MAST2: variants seen among roughly 807,000 people sequenced by gnomAD.
The protein encoded by MAST2 is microtubule-associated serine/threonine-protein kinase 2.
A neutral mutation model predicts 147.4 loss-of-function variants in MAST2; 70 were observed. The ratio of observed to expected loss-of-function variants is 0.47; its 90% CI spans 0.39 to 0.58. The LOEUF (loss-of-function observed/expected upper bound fraction) is 0.58. Among genes scored for constraint, MAST2 ranks in the 20% least tolerant of loss-of-function variants. The pLI is 0.00. For missense variants in MAST2, 2,080 were observed against 2,302.3 expected, an observed-to-expected ratio of 0.90 and a Z score of 1.98; for synonymous variants, 869 against 896.8, an observed-to-expected ratio of 0.97 and a Z score of 0.55.
chr1:45,911,647 A>G (rs985411679), intron 4 of MAST2, among the ~76,000 whole-genome samples: 5 of 152,080 alleles, frequency 3.3e-5, no homozygotes, highest in Admixed American at 6.6e-5. Context: ...CTACTTTTCT[A>G]CTTACCATTG....
chr1:45,868,594 T>C (rs1380093917), intron 3 of MAST2, among the ~76,000 whole-genome samples: 2 of 152,154 alleles, frequency 1.3e-5, no homozygotes, highest in Non-Finnish European at 2.9e-5. Context: ...AGTGTCATTG[T>C]TTACGGGTAC....
At chr1:46,017,378 G>A (rs1254760195) in intron 10 of MAST2, among the ~76,000 whole-genome samples, 1 of 152,144 alleles carries the variant, frequency 6.6e-6, no homozygotes, top group East Asian at 1.9e-4. Context: ...TACCATCAGA[G>A]GGAACAGGCA....
chr1:45,931,531 C>G (rs1655306483), intron 4 of MAST2, among the ~76,000 whole-genome samples: 1 of 151,226 alleles, frequency 6.6e-6, no homozygotes, highest in African/African-American at 2.4e-5. Context: ...GCTCTGTCAC[C>G]CAGGCTGGAG....
chr1:45,994,199 T>C (rs1256824059), intron 5 of MAST2, among the ~76,000 whole-genome samples: 2 of 149,334 alleles, frequency 1.3e-5, no homozygotes, highest in African/African-American at 4.9e-5. Context: ...CTGAACTTAA[T>C]CTCTAGCCCC....
In MAST2 at chr1:46,035,355, A is replaced by G; in HGVS notation, c.4686A>G (p.Leu1562=). Residue 1562 remains leucine (L), a synonymous_variant, in exon 29 of 29, where the codon CTA becomes CTG. Coordinates refer to ENST00000361297, the MANE Select transcript of MAST2 (RefSeq NM_015112.3). This position sits in a 1 kb window ranked among gnomAD's most constrained non-coding sequence, Gnocchi z 5.5. ...PRSLGPMVPS[L]LTGITLGPPR... Reference sequence around the variant, plus strand: ...GCCTGGGCCCAATGGTCCCAAGCCTATTGACAGGGATCACACTGGGGCCTC... The same window carrying G: ...GCCTGGGCCCAATGGTCCCAAGCCTGTTGACAGGGATCACACTGGGGCCTC... 4.3e-6 allele frequency: 7 copies of G among 1,613,542 alleles called. No individual in the cohort carries two copies. Among genetic ancestry groups the G allele is most frequent in the Non-Finnish European group, 5.1e-6 (6 of 1,179,804 alleles).
intron 6 of MAST2, among the ~76,000 whole-genome samples, chr1:45,999,285 A>T (rs1009742380): frequency 6.6e-6 from 1 of 152,158 alleles, no homozygotes; most frequent in African/African-American, 2.4e-5. Flanking sequence ...TACCCTATGG[A>T]ACTTCCAATT....
At chr1:45,806,463 C>T (rs945304907) in intron 1 of MAST2, among the ~76,000 whole-genome samples, 4 of 152,132 alleles carry the variant, frequency 2.6e-5, no homozygotes, top group Non-Finnish European at 5.9e-5. Context: ...GTAGTGGTGC[C>T]GTCATAGCTC....
chr1:45,895,056 G>T (rs778300205), intron 4 of MAST2, among the ~76,000 whole-genome samples: 29 of 152,096 alleles, frequency 1.9e-4, no homozygotes, highest in Admixed American at 2.6e-4. Context: ...CTGTAGTTTT[G>T]CAGTCAATCC....
At chr1:46,010,982 G>A in intron 10 of MAST2, 43 bp downstream of exon 10, 1 of 1,533,930 alleles carries the variant, frequency 6.5e-7, no homozygotes, top group Non-Finnish European at 9.0e-7. Context: ...CCTCCACCTG[G>A]TATTGGATTT....
At chr1:45,979,245 G>A (rs1162774676) in intron 5 of MAST2, among the ~76,000 whole-genome samples, 1 of 152,122 alleles carries the variant, frequency 6.6e-6, no homozygotes, top group Admixed American at 6.6e-5. Context: ...TTTATAACTA[G>A]TTAAACTGTA....
chr1:46,026,831 C>T (rs1366135014), intron 16 of MAST2, among the ~76,000 whole-genome samples: 1 of 152,140 alleles, frequency 6.6e-6, no homozygotes, highest in Non-Finnish European at 1.5e-5. Flanking sequence ...GACCTGAATT[C>T]AAATGGCCAC....
chr1:45,905,358 T>C, intron 4 of MAST2, among the ~76,000 whole-genome samples: 1 of 152,156 alleles, frequency 6.6e-6, no homozygotes, highest in East Asian at 1.9e-4. Context: ...CTAATTTTTT[T>C]GTATTTTTAG....
At chr1:45,921,279 C>T (rs1653429651) in intron 4 of MAST2, among the ~76,000 whole-genome samples, 1 of 152,194 alleles carries the variant, frequency 6.6e-6, no homozygotes, top group African/African-American at 2.4e-5. Context: ...CAGGTGTGAG[C>T]CACCGTGCCC....
At chr1:45,983,960 A>G (rs1210548228) in intron 5 of MAST2, among the ~76,000 whole-genome samples, 1 of 152,240 alleles carries the variant, frequency 6.6e-6, no homozygotes, top group Admixed American at 6.5e-5. Context: ...CAATTTGAAG[A>G]TGGACGTTTA....
chr1:45,882,504 T>C (rs1646896125), intron 4 of MAST2, 109 bp downstream of exon 4: 1 of 826,608 alleles, frequency 1.2e-6, no homozygotes, highest in Non-Finnish European at 2.0e-6. Context: ...CACAATTTCT[T>C]TCTGTGTACT....
intron 4 of MAST2, among the ~76,000 whole-genome samples, chr1:45,940,941 G>T (rs898728958): frequency 2.0e-5 from 3 of 152,162 alleles, no homozygotes; most frequent in East Asian, 1.9e-4. Context: ...ATTAGAAAGA[G>T]AATTGTTGCA....
intron 1 of MAST2, among the ~76,000 whole-genome samples, chr1:45,807,970 A>T (rs1644189231): frequency 6.6e-6 from 1 of 152,192 alleles, no homozygotes; most frequent in Non-Finnish European, 1.5e-5. Flanking sequence ...TTATTTGGGT[A>T]GTAAGAGCCC....
intron 5 of MAST2, among the ~76,000 whole-genome samples, chr1:45,982,103 CCTCCCAAAGTGCTGGGATTAGAGG>C (rs1244751385): frequency 6.6e-6 from 1 of 152,190 alleles, no homozygotes; most frequent in Non-Finnish European, 1.5e-5. Flanking sequence ...CCTGCCTCGG[CCTCCCAAAGTGCTGGGATTAGAGG>C]CGTGAGCCAC....
chr1:46,013,136 T>C (rs1003855886), intron 10 of MAST2, among the ~76,000 whole-genome samples: 2 of 152,180 alleles, frequency 1.3e-5, no homozygotes, highest in African/African-American at 2.4e-5. Flanking sequence ...TGCTAGACAC[T>C]GCATTACCTC....
Sources: allele counts gnomAD v4.1 joint callset (sites outside exome capture counted in the v4.1 genomes callset), GRCh38; gene constraint gnomAD v4.1.1; non-coding constraint Gnocchi (gnomAD v3.1); transcripts MANE v1.5; gene names NCBI Gene and HGNC (gene_info 2026-07-23, HGNC 2026-07-21).